The following CTNND2 variants were observed in gnomAD, a reference collection of about 807,000 sequenced individuals.
CTNND2 encodes the protein catenin delta 2.
CTNND2 carries 22 observed loss-of-function variants against 144.4 expected under a neutral mutation model. The ratio of observed to expected loss-of-function variants is 0.15; its 90% confidence interval spans 0.11 to 0.22. The LOEUF (loss-of-function observed/expected upper bound fraction) is 0.22, where lower values mean the gene tolerates loss of function less well. CTNND2 is among the 10% of genes least tolerant of loss of function. CTNND2 has a pLI of 1.00. For missense variants in CTNND2, 1,353 were observed against 1,618.8 expected (o/e 0.84, Z 2.82); for synonymous variants, 751 against 695.6 (o/e 1.08, Z -1.25).
At chr5:11,182,151 G>C (rs1179754921) in intron 11 of CTNND2, among the ~76,000 whole-genome samples, 3 of 135,948 alleles carry the variant, frequency 2.2e-5, no homozygotes, top group African/African-American at 8.3e-5. Flanking sequence ...TGTGTGGATG[G>C]GGTGTGTGTG....
At chr5:11,381,823 C>G (rs886289881) in intron 7 of CTNND2, among the ~76,000 whole-genome samples, 2 of 152,078 alleles carry the variant, frequency 1.3e-5, no homozygotes, top group Non-Finnish European at 2.9e-5. Context: ...AAAAATTAGC[C>G]AGGCGTGGTG....
In CTNND2 at chr5:11,738,361, G is replaced by A. The variant is rs985503207; in HGVS notation, c.38-6089C>T. ...CAAAAGCAGTTAGGCCCTGCATGCC[G>A]AGCCTTCTTTTCAGTTTGAACTCTT... On this transcript the variant is annotated intron_variant, in intron 1 of 21. Coordinates refer to ENST00000304623, the MANE Select transcript of CTNND2 (RefSeq NM_001332.4). Among the ~76,000 whole-genome samples the A allele has an allele frequency of 7.9e-5, 12 of 152,188 alleles. No individual in the cohort carries two copies. In the South Asian group the frequency reaches 8.3e-4, roughly 11 times the overall value.
At chr5:10,990,972 C>T (rs940590850) in intron 19 of CTNND2, among the ~76,000 whole-genome samples, 6 of 152,224 alleles carry the variant, frequency 3.9e-5, no homozygotes, top group Non-Finnish European at 2.9e-5. Flanking sequence ...AAGACACCAT[C>T]CATATGCTTT....
intron 3 of CTNND2, among the ~76,000 whole-genome samples, chr5:11,464,484 T>TG (rs1766488720): frequency 1.3e-5 from 2 of 152,218 alleles, no homozygotes; most frequent in South Asian, 4.2e-4. Context: ...TTAGACTTAG[T>TG]GGGGGCAACA....
At chr5:11,592,464 G>A (rs11745876) in intron 2 of CTNND2, among the ~76,000 whole-genome samples, 55,279 of 151,710 alleles carry the variant, frequency 0.36, 10,787 homozygotes, top group Middle Eastern at 0.61. Flanking sequence ...AATTTTATTC[G>A]CAATCCTCTT....
intron 1 of CTNND2, among the ~76,000 whole-genome samples, chr5:11,778,155 C>G (rs1790353665): frequency 6.6e-6 from 1 of 152,118 alleles, no homozygotes; most frequent in Non-Finnish European, 1.5e-5. Context: ...TGGCAATGTT[C>G]TAACTACATA....
At chr5:11,624,208 C>T (rs1344077046) in intron 2 of CTNND2, among the ~76,000 whole-genome samples, 1 of 151,940 alleles carries the variant, frequency 6.6e-6, no homozygotes, top group East Asian at 1.9e-4. Context: ...TCATTGGATC[C>T]TTGGGACAAA....
chr5:11,775,367 T>C (rs989247495), intron 1 of CTNND2, among the ~76,000 whole-genome samples: 1 of 152,148 alleles, frequency 6.6e-6, no homozygotes, highest in African/African-American at 2.4e-5. Context: ...TCCTCAAATA[T>C]CCATTTCCTC....
At chr5:11,365,041 C>T (rs1449049943) in intron 7 of CTNND2, 151 bp from the exon 8 acceptor site, 4 of 650,004 alleles carry the variant, frequency 6.2e-6, no homozygotes, top group South Asian at 5.9e-5. Flanking sequence ...ATATGTCAAC[C>T]TAATCAGCCT....
At chr5:11,506,219 G>A (rs1771020378) in intron 3 of CTNND2, among the ~76,000 whole-genome samples, 1 of 152,090 alleles carries the variant, frequency 6.6e-6, no homozygotes, top group South Asian at 2.1e-4. Flanking sequence ...AATAGGGCAG[G>A]CTCCAGCATC....
chr5:11,419,020 G>A (rs969554532), intron 3 of CTNND2, among the ~76,000 whole-genome samples: 199 of 129,066 alleles, frequency 1.5e-3, no homozygotes, highest in Non-Finnish European at 2.7e-3. Context: ...CTATATAGAT[G>A]TCTATCTATA....
chr5:11,532,416 T>G (rs1250701522), intron 3 of CTNND2, among the ~76,000 whole-genome samples: 3 of 151,834 alleles, frequency 2.0e-5, no homozygotes, highest in Non-Finnish European at 4.4e-5. Context: ...CATAAGATAT[T>G]TAATTTCCAA....
chr5:11,153,828 T>C (rs576764167), intron 12 of CTNND2, among the ~76,000 whole-genome samples: 5 of 152,092 alleles, frequency 3.3e-5, no homozygotes, highest in Admixed American at 6.5e-5. Context: ...AAATGAGCTG[T>C]GGAAGTTAGC....
intron 15 of CTNND2, among the ~76,000 whole-genome samples, chr5:11,088,839 A>T (rs1282971139): frequency 6.6e-6 from 1 of 152,200 alleles, no homozygotes; most frequent in Admixed American, 6.5e-5. Flanking sequence ...TCTTCAGAAG[A>T]CAGAATCTTA....
intron 16 of CTNND2, among the ~76,000 whole-genome samples, chr5:11,033,172 T>G (rs932268769): frequency 2.0e-5 from 3 of 152,204 alleles, no homozygotes; most frequent in Non-Finnish European, 2.9e-5. Flanking sequence ...AAACATGTGC[T>G]GACAAAAAGG....
Position 11,584,663 on chromosome 5 carries a change from T to G in CTNND2, c.175-19607A>C, listed in dbSNP as rs16901762. Among the ~76,000 whole-genome samples, 757 of 152,316 alleles carry G rather than the reference T, an allele frequency of 5.0e-3. 21 individuals are homozygous for G. In the East Asian group the frequency reaches 0.085, roughly 17 times the overall value. On this transcript the variant is annotated intron_variant, in intron 2 of 21. Transcript: ENST00000304623. ...CAAAGGTAGCATGAACTTCATGGTA[T>G]AGAAGCACGTAATTTGATTCAAAAA...
chr5:11,032,458 G>A (rs930878887), intron 16 of CTNND2, among the ~76,000 whole-genome samples: 1 of 152,094 alleles, frequency 6.6e-6, no homozygotes, highest in Admixed American at 6.5e-5. Context: ...AAAAATATAT[G>A]CAAAAAATAT....
At chr5:11,662,830 C>G (rs993472653) in intron 2 of CTNND2, among the ~76,000 whole-genome samples, 1 of 152,088 alleles carries the variant, frequency 6.6e-6, no homozygotes, top group Admixed American at 6.6e-5. Context: ...AAAACCCCGT[C>G]CATGGAAAAA....
intron 13 of CTNND2, among the ~76,000 whole-genome samples, chr5:11,114,995 C>T (rs1300491683): frequency 2.0e-5 from 3 of 152,178 alleles, no homozygotes; most frequent in Admixed American, 6.5e-5. Flanking sequence ...TATGATTATG[C>T]TCCTTGTCAC....
Sources: allele counts gnomAD v4.1 joint callset (sites outside exome capture counted in the v4.1 genomes callset), GRCh38; gene constraint gnomAD v4.1.1; transcripts MANE v1.5; gene names NCBI Gene and HGNC (gene_info 2026-07-23, HGNC 2026-07-21).